Variants in SMYD3 observed in about 807,000 individuals in gnomAD.
The protein encoded by SMYD3 is SET and MYND domain containing 3.
Under a neutral mutation model 57.7 loss-of-function variants are expected in SMYD3, and 36 were observed. The ratio of observed to expected loss-of-function variants is 0.62; its 90% CI spans 0.48 to 0.82. The LOEUF (loss-of-function observed/expected upper bound fraction) is 0.82. Among genes scored for constraint, SMYD3 ranks in the 40% least tolerant of loss-of-function variants. SMYD3 has a pLI of 0.00. For synonymous variants in SMYD3, 211 were observed against 195.0 expected (o/e 1.08, Z -0.68); for missense variants, 515 against 538.8 (o/e 0.96, Z 0.44).
At chr1:246,234,634 C>A (rs964077738) in intron 5 of SMYD3, among the ~76,000 whole-genome samples, 1 of 142,402 alleles carries the variant, frequency 7.0e-6, no homozygotes, top group Non-Finnish European at 1.5e-5. Context: ...ATTGGCCTAT[C>A]CATGCCACTA....
chr1:245,825,584 G>T (rs1248550612), intron 10 of SMYD3, among the ~76,000 whole-genome samples: 2 of 152,122 alleles, frequency 1.3e-5, no homozygotes, highest in African/African-American at 4.8e-5. Context: ...TGGGCATCTT[G>T]TCCCCCTCTC....
chr1:246,040,499 T>C (rs1249602980), intron 5 of SMYD3, among the ~76,000 whole-genome samples: 1 of 152,180 alleles, frequency 6.6e-6, no homozygotes, highest in Non-Finnish European at 1.5e-5. Flanking sequence ...GAGCACTGCT[T>C]TCTCGTAGGA....
At chr1:246,285,797 G>A (rs1158596656) in intron 5 of SMYD3, among the ~76,000 whole-genome samples, 1 of 151,766 alleles carries the variant, frequency 6.6e-6, no homozygotes, top group Non-Finnish European at 1.5e-5. Flanking sequence ...AAATTAGCAA[G>A]AAAAAAACAA....
chr1:245,900,149 ATAGAG>A (rs2054088903), intron 8 of SMYD3, among the ~76,000 whole-genome samples: 2 of 152,210 alleles, frequency 1.3e-5, no homozygotes, highest in African/African-American at 4.8e-5. Flanking sequence ...CTTTAGCTCA[ATAGAG>A]TAAAGAAAAT....
intron 10 of SMYD3, among the ~76,000 whole-genome samples, chr1:245,816,517 TAAAAA>T (rs35612835): frequency 6.0e-5 from 6 of 100,214 alleles, no homozygotes; most frequent in African/African-American, 7.6e-5. Context: ...TTCATCTATG[TAAAAA>T]AAAAAAAAAA....
chr1:245,957,933 A>C (rs754464259), intron 5 of SMYD3, among the ~76,000 whole-genome samples: 7 of 151,954 alleles, frequency 4.6e-5, no homozygotes, highest in Non-Finnish European at 2.9e-5. Flanking sequence ...AAATGACAGA[A>C]TTCTTGCAAG....
intron 5 of SMYD3, among the ~76,000 whole-genome samples, chr1:246,189,534 A>C (rs2148319621): frequency 6.6e-6 from 1 of 152,372 alleles, no homozygotes; most frequent in Middle Eastern, 3.4e-3. Flanking sequence ...GGGACATATA[A>C]GACAAAATAG....
intron 5 of SMYD3, among the ~76,000 whole-genome samples, chr1:246,257,799 A>G (rs2063924640): frequency 6.6e-6 from 1 of 152,166 alleles, no homozygotes; most frequent in African/African-American, 2.4e-5. Flanking sequence ...GTGTCCCCAA[A>G]AACTCTCATG....
chr1:245,913,777 C>CA (rs2055196006), intron 8 of SMYD3, among the ~76,000 whole-genome samples: 1 of 151,908 alleles, frequency 6.6e-6, no homozygotes, highest in Non-Finnish European at 1.5e-5. Flanking sequence ...AACTCAACAG[C>CA]AAAAATATCA....
At chr1:246,069,330 G>A (rs1390543062) in intron 5 of SMYD3, among the ~76,000 whole-genome samples, 2 of 152,176 alleles carry the variant, frequency 1.3e-5, no homozygotes, top group African/African-American at 4.8e-5. Flanking sequence ...GGAAAGCTTC[G>A]TGCCAGATAT....
chr1:245,991,380 G>A (rs961125472), intron 5 of SMYD3, among the ~76,000 whole-genome samples: 27 of 152,214 alleles, frequency 1.8e-4, no homozygotes, highest in African/African-American at 6.5e-4. Flanking sequence ...ACTAAGCCAC[G>A]TGCATTTGTT....
intron 8 of SMYD3, among the ~76,000 whole-genome samples, chr1:245,900,797 G>A (rs911167829): frequency 2.0e-5 from 3 of 152,130 alleles, no homozygotes; most frequent in Admixed American, 6.5e-5. Flanking sequence ...GCACCTAAGA[G>A]GAACTAAATT....
At chr1:246,180,757 CTCAAAA>C (rs2062533444) in intron 5 of SMYD3, among the ~76,000 whole-genome samples, 1 of 53,904 alleles carries the variant, frequency 1.9e-5, no homozygotes, top group Non-Finnish European at 3.2e-5. Flanking sequence ...AAGACTCTGT[CTCAAAA>C]AAAAAAAAAA....
chr1:246,445,927 T>C (rs972400035), intron 1 of SMYD3, among the ~76,000 whole-genome samples: 6 of 151,844 alleles, frequency 4.0e-5, no homozygotes, highest in African/African-American at 1.2e-4. Context: ...AAGGCATTAC[T>C]GTACATCTGA....
intron 5 of SMYD3, among the ~76,000 whole-genome samples, chr1:246,205,865 G>A (rs1270506034): frequency 6.6e-6 from 1 of 152,086 alleles, no homozygotes; most frequent in Admixed American, 6.5e-5. Context: ...TCCCAGTTCT[G>A]CTACACTCTT....
intron 5 of SMYD3, among the ~76,000 whole-genome samples, chr1:246,284,237 C>G (rs1011790774): frequency 1.3e-5 from 2 of 152,186 alleles, no homozygotes; most frequent in African/African-American, 4.8e-5. Flanking sequence ...CATCTAGCAT[C>G]TGGTAATGTG....
intron 1 of SMYD3, among the ~76,000 whole-genome samples, chr1:246,446,115 C>T (rs1451321673): frequency 6.6e-6 from 1 of 152,120 alleles, no homozygotes; most frequent in East Asian, 1.9e-4. Flanking sequence ...GTAAACATAT[C>T]AATTGCCTCT....
intron 5 of SMYD3, among the ~76,000 whole-genome samples, chr1:246,283,180 G>A (rs954867404): frequency 6.6e-6 from 1 of 152,178 alleles, no homozygotes; most frequent in African/African-American, 2.4e-5. Flanking sequence ...TGGACTCAGG[G>A]TGGCTTGGGT....
At chr1:245,778,612 A>G (rs1215989866) in intron 10 of SMYD3, among the ~76,000 whole-genome samples, 1 of 152,188 alleles carries the variant, frequency 6.6e-6, no homozygotes, top group African/African-American at 2.4e-5. Context: ...TGTATAGTCT[A>G]GTCTAGGAAG....
Sources: allele counts gnomAD v4.1 joint callset (sites outside exome capture counted in the v4.1 genomes callset), GRCh38; gene constraint gnomAD v4.1.1; transcripts MANE v1.5; gene names NCBI Gene and HGNC (gene_info 2026-07-23, HGNC 2026-07-21).